Variants in NUFIP1 observed in about 807,000 individuals in gnomAD.
NUFIP1 encodes the protein FMR1-interacting protein NUFIP1.
A neutral mutation model predicts 56.2 loss-of-function variants in NUFIP1; 38 were observed. The ratio of observed to expected loss-of-function variants is 0.68; its 90% CI spans 0.52 to 0.89. The LOEUF is 0.89. NUFIP1 is among the 40% of genes least tolerant of loss of function. The pLI is 0.00. For synonymous variants in NUFIP1, 215 were observed against 212.4 expected (o/e 1.01, Z -0.10); for missense variants, 567 against 605.8 (o/e 0.94, Z 0.67).
chr13:44,982,181 T>C (rs1872218146), intron 1 of NUFIP1, 27 bp from the exon 2 acceptor site: 2 of 1,100,308 alleles, frequency 1.8e-6, no homozygotes, highest in Non-Finnish European at 2.5e-6. Context: ...CCATAAATGT[T>C]TGCAACAATG....
chr13:44,976,957 C>T (rs375074709), intron 5 of NUFIP1, among the ~76,000 whole-genome samples: 1 of 152,176 alleles, frequency 6.6e-6, no homozygotes, highest in African/African-American at 2.4e-5. Flanking sequence ...TATGAGGGTT[C>T]TGCCTTCATG....
At chr13:44,965,470 C>T (rs2137909306) in intron 6 of NUFIP1, among the ~76,000 whole-genome samples, 1 of 152,254 alleles carries the variant, frequency 6.6e-6, no homozygotes. Flanking sequence ...CCAAGGTGGG[C>T]AGATCACGAG....
At position 44,940,664 on chromosome 13, in the gene NUFIP1, T is replaced by C. The variant is rs1401373489; in HGVS notation, c.*542A>G. ...TTTTAAACATTCAATATTTGAGCTA[T>C]GTAAGTCGTGCTAGTAGGTGAATTT... is the stretch of plus-strand genomic sequence containing the variant. On this transcript the variant is annotated 3_prime_UTR_variant, in exon 10 of 10. Coordinates refer to ENST00000379161, the MANE Select transcript of NUFIP1 (RefSeq NM_012345.3). 1 of 152,248 alleles carries C rather than the reference T, an allele frequency of 6.6e-6. No individual in the cohort carries two copies. The highest frequency in any genetic ancestry group is 1.5e-5 in the Non-Finnish European group (1 of 68,046). 9.4% of individuals were successfully genotyped at this position (152,248 alleles called of 1,614,324 possible). A position where few individuals can be genotyped will look rare whatever the true frequency, so the allele number is the denominator to read the frequency against.
intron 9 of NUFIP1, among the ~76,000 whole-genome samples, chr13:44,941,686 TGTATTTTTA>T (rs1210153099): frequency 6.8e-6 from 1 of 148,034 alleles, no homozygotes; most frequent in African/African-American, 2.5e-5. Flanking sequence ...GCTAATTTTT[TGTATTTTTA>T]GTAGAAACGG....
chr13:44,980,540 T>A (rs1318312642), intron 3 of NUFIP1, among the ~76,000 whole-genome samples, 182 bp downstream of exon 3: 1 of 152,204 alleles, frequency 6.6e-6, no homozygotes, highest in African/African-American at 2.4e-5. Context: ...ACCTCGTCCC[T>A]GAAGCAGCGG....
intron 7 of NUFIP1, among the ~76,000 whole-genome samples, chr13:44,957,265 G>A (rs190296448): frequency 1.5e-4 from 23 of 152,174 alleles, no homozygotes; most frequent in Non-Finnish European, 2.2e-4. Context: ...AGGCTGGAGC[G>A]CAATGGTGTG....
In NUFIP1 at chr13:44,980,743, T is replaced by C. The variant is rs766008833; in HGVS notation, c.573A>G (p.Lys191=). The part of the protein sequence containing the change: ...RGFKNQEKYD[K]HMSEHTKCPE... ...CTACTTTTGTATGTTCAGACATGTG[T>C]TTGTCATACTTTTCTTGATTTTTAA... The change falls in exon 3 of 10, where the codon AAA becomes AAG. Residue 191 remains lysine, a synonymous_variant. Transcript: ENST00000379161. The C allele has an allele frequency of 6.2e-7, 1 of 1,602,146 alleles. No individual in the cohort carries two copies. The highest frequency in any genetic ancestry group is 8.5e-7 in the Non-Finnish European group (1 of 1,177,508).
At chr13:44,985,517 T>A (rs1044043966) in intron 1 of NUFIP1, among the ~76,000 whole-genome samples, 2 of 152,196 alleles carry the variant, frequency 1.3e-5, no homozygotes, top group Non-Finnish European at 2.9e-5. Context: ...ATCAGCACCA[T>A]TTTTCCAACA....
chr13:44,977,575 C>T (rs1872025590), intron 5 of NUFIP1, among the ~76,000 whole-genome samples: 1 of 152,084 alleles, frequency 6.6e-6, no homozygotes, highest in South Asian at 2.1e-4. Context: ...AGTCAGGCAA[C>T]CTTTAAAACA....
At chr13:44,961,055 A>AC (rs1398051904) in intron 6 of NUFIP1, among the ~76,000 whole-genome samples, 1 of 149,614 alleles carries the variant, frequency 6.7e-6, no homozygotes, top group Non-Finnish European at 1.5e-5. Flanking sequence ...GTCTCCAGAA[A>AC]AAAAAAAAAA....
intron 1 of NUFIP1, among the ~76,000 whole-genome samples, chr13:44,987,982 C>T (rs1310254061): frequency 4.6e-5 from 7 of 152,210 alleles, no homozygotes; most frequent in Admixed American, 2.0e-4. Flanking sequence ...TGATGTATAG[C>T]TTCTAAGCCT....
intron 5 of NUFIP1, among the ~76,000 whole-genome samples, chr13:44,970,428 GA>G (rs1871762079): frequency 6.6e-6 from 1 of 152,184 alleles, no homozygotes; most frequent in African/African-American, 2.4e-5. Flanking sequence ...CTTACTCTGT[GA>G]AATCTTTCAC....
chr13:44,955,094 A>G (rs565199099), intron 7 of NUFIP1, among the ~76,000 whole-genome samples: 4 of 152,382 alleles, frequency 2.6e-5, no homozygotes, highest in African/African-American at 9.6e-5. Flanking sequence ...TGTTGCATAT[A>G]TATTTTAAAC....
intron 8 of NUFIP1, among the ~76,000 whole-genome samples, chr13:44,943,943 T>G (rs556124847): frequency 1.3e-5 from 2 of 152,280 alleles, no homozygotes; most frequent in South Asian, 4.1e-4. Flanking sequence ...AGATGGAAAC[T>G]TGGATCTATA....
chr13:44,987,380 T>C (rs975931259), intron 1 of NUFIP1, among the ~76,000 whole-genome samples: 6 of 151,626 alleles, frequency 4.0e-5, no homozygotes, highest in African/African-American at 1.5e-4. Context: ...TCTCAACAAA[T>C]TAAAAAAAAA....
At chr13:44,976,074 A>G (rs1871963517) in intron 5 of NUFIP1, among the ~76,000 whole-genome samples, 1 of 152,204 alleles carries the variant, frequency 6.6e-6, no homozygotes, top group African/African-American at 2.4e-5. Flanking sequence ...AGGGACTGAC[A>G]CCAATAAGTT....
chr13:44,976,713 C>T (rs550354948), intron 5 of NUFIP1, among the ~76,000 whole-genome samples: 2 of 152,226 alleles, frequency 1.3e-5, no homozygotes, highest in South Asian at 2.1e-4. Flanking sequence ...TAACTGAATA[C>T]ATCATAAGAT....
chr13:44,949,143 T>C (rs1458768595), intron 8 of NUFIP1, among the ~76,000 whole-genome samples: 1 of 152,130 alleles, frequency 6.6e-6, no homozygotes, highest in South Asian at 2.1e-4. Flanking sequence ...TTTAGAATTT[T>C]CTTCAGTTCT....
chr13:44,950,433 C>CCTGG (rs770913910), intron 7 of NUFIP1, among the ~76,000 whole-genome samples: 2 of 152,158 alleles, frequency 1.3e-5, no homozygotes, highest in Admixed American at 1.3e-4. Flanking sequence ...ACAACCTCTG[C>CCTGG]CTGCCAGGCC....
Sources: allele counts gnomAD v4.1 joint callset (sites outside exome capture counted in the v4.1 genomes callset), GRCh38; gene constraint gnomAD v4.1.1; transcripts MANE v1.5; gene names NCBI Gene and HGNC (gene_info 2026-07-23, HGNC 2026-07-21).